FSHR: variants seen among roughly 807,000 people sequenced by gnomAD.
FSHR encodes the protein follicle-stimulating hormone receptor.
Under a neutral mutation model 52.1 loss-of-function variants are expected in FSHR, and 46 were observed. That is an observed-to-expected ratio of 0.88 (90% CI 0.70 to 1.13). The LOEUF (loss-of-function observed/expected upper bound fraction) is 1.13. Among genes scored for constraint, FSHR ranks in the 50% most tolerant of loss-of-function variants. FSHR has a pLI of 0.00. For missense variants in FSHR, 964 were observed against 834.6 expected (o/e 1.16, Z -1.91); for synonymous variants, 399 against 309.6 (o/e 1.29, Z -3.03).
chr2:49,085,900 T>G, intron 1 of FSHR, among the ~76,000 whole-genome samples: 1 of 137,450 alleles, frequency 7.3e-6, no homozygotes, highest in African/African-American at 2.8e-5. Context: ...CGCTCATAGG[T>G]GGGAATTGAA....
In FSHR at chr2:49,019,358, C is replaced by A. The variant is rs551972075; in HGVS notation, c.299+728G>T. On this transcript the variant is annotated intron_variant, in intron 3 of 9. Coordinates refer to ENST00000406846, the MANE Select transcript of FSHR (RefSeq NM_000145.4). ...AGAATATACTTTGAAAAATTGTTGA[C>A]CAGTCTCTAAAGTCTCTTCTGGCTT... Among the ~76,000 whole-genome samples, 12 of 152,206 alleles carry A rather than the reference C, an allele frequency of 7.9e-5. No individual in the cohort carries two copies. In the East Asian group the frequency reaches 1.9e-3, roughly 24 times the overall value.
At chr2:49,095,933 C>T (rs895066242) in intron 1 of FSHR, among the ~76,000 whole-genome samples, 2 of 152,094 alleles carry the variant, frequency 1.3e-5, no homozygotes, top group African/African-American at 4.8e-5. Flanking sequence ...TTTACATTCA[C>T]TAGGATGACT....
chr2:48,973,526 A>T (rs1674839768), intron 8 of FSHR, among the ~76,000 whole-genome samples: 2 of 152,362 alleles, frequency 1.3e-5, no homozygotes, highest in South Asian at 4.1e-4. Context: ...AGGTCTCCAT[A>T]ATGTTTAACA....
chr2:49,136,371 C>CA (rs1672489885), intron 1 of FSHR, among the ~76,000 whole-genome samples: 9 of 151,836 alleles, frequency 5.9e-5, no homozygotes. Flanking sequence ...GAATTAGAAG[C>CA]CAAAAAACTA....
chr2:49,011,651 G>A (rs1667278245), intron 4 of FSHR, among the ~76,000 whole-genome samples: 1 of 152,084 alleles, frequency 6.6e-6, no homozygotes, highest in Non-Finnish European at 1.5e-5. Flanking sequence ...ACTCGGTGAT[G>A]CAGGCAATGT....
intron 2 of FSHR, among the ~76,000 whole-genome samples, chr2:49,066,630 C>CTGAACAAGT (rs1669511676): frequency 1.3e-5 from 2 of 152,066 alleles, no homozygotes; most frequent in Non-Finnish European, 2.9e-5. Context: ...CAAGCTGTGT[C>CTGAACAAGT]TGAACAAGTT....
intron 2 of FSHR, among the ~76,000 whole-genome samples, chr2:49,057,790 A>G (rs1669120563): frequency 6.6e-6 from 1 of 152,192 alleles, no homozygotes; most frequent in South Asian, 2.1e-4. Context: ...CTAGCAATCC[A>G]AAACCAATAA....
chr2:49,123,237 A>T (rs1208132846), intron 1 of FSHR, among the ~76,000 whole-genome samples: 1 of 152,204 alleles, frequency 6.6e-6, no homozygotes, highest in African/African-American at 2.4e-5. Context: ...GCGGTGGTTC[A>T]CATCTATAAT....
intron 2 of FSHR, among the ~76,000 whole-genome samples, chr2:49,031,432 G>C (rs758564602): frequency 1.5e-4 from 23 of 152,140 alleles, no homozygotes; most frequent in Admixed American, 2.0e-4. Context: ...GATTTTATCA[G>C]CTATCTCCTA....
chr2:49,025,268 G>C (rs569172382), intron 2 of FSHR, among the ~76,000 whole-genome samples: 66 of 152,156 alleles, frequency 4.3e-4, no homozygotes, highest in Non-Finnish European at 7.2e-4. Context: ...TTCAGGCACT[G>C]GGATCAGTGC....
chr2:49,142,637 A>G (rs968502821), intron 1 of FSHR, among the ~76,000 whole-genome samples: 3 of 152,198 alleles, frequency 2.0e-5, no homozygotes, highest in Non-Finnish European at 2.9e-5. Context: ...ATTGGATGTC[A>G]TATGCTTTTG....
chr2:49,000,683 C>A (rs1178723222), intron 4 of FSHR, among the ~76,000 whole-genome samples: 1 of 152,130 alleles, frequency 6.6e-6, no homozygotes, highest in Non-Finnish European at 1.5e-5. Flanking sequence ...GTAGATTTTT[C>A]CCTTCCTATT....
chr2:49,089,756 T>C (rs1036525215), intron 1 of FSHR, among the ~76,000 whole-genome samples: 6 of 152,186 alleles, frequency 3.9e-5, no homozygotes, highest in Non-Finnish European at 7.3e-5. Context: ...ACAGTAGCTA[T>C]TGATCTAAAA....
At chr2:49,145,236 C>G (rs985315583) in intron 1 of FSHR, among the ~76,000 whole-genome samples, 7 of 152,134 alleles carry the variant, frequency 4.6e-5, no homozygotes, top group Non-Finnish European at 8.8e-5. Context: ...TTTATCCAAA[C>G]TGAAAAGATT....
chr2:49,129,253 A>G (rs1024751442), intron 1 of FSHR, among the ~76,000 whole-genome samples: 3 of 151,956 alleles, frequency 2.0e-5, no homozygotes, highest in African/African-American at 7.3e-5. Flanking sequence ...TCACCCATCA[A>G]CACCTATTGA....
intron 1 of FSHR, among the ~76,000 whole-genome samples, chr2:49,147,772 C>T (rs564061377): frequency 1.2e-4 from 18 of 151,930 alleles, no homozygotes; most frequent in Non-Finnish European, 1.8e-4. Context: ...CCTCCCTTCC[C>T]CCAGCCCAAT....
intron 1 of FSHR, among the ~76,000 whole-genome samples, chr2:49,139,918 A>C (rs930908518): frequency 6.6e-6 from 1 of 152,142 alleles, no homozygotes; most frequent in Non-Finnish European, 1.5e-5. Flanking sequence ...TTATGTTTCA[A>C]ATGCAGAGTA....
At chr2:49,101,866 G>A (rs940523231) in intron 1 of FSHR, among the ~76,000 whole-genome samples, 8 of 152,138 alleles carry the variant, frequency 5.3e-5, no homozygotes, top group Admixed American at 2.0e-4. Flanking sequence ...TGTAGAGTCC[G>A]AAGGTGGCAC....
chr2:49,077,402 A>C (rs1263194158), intron 1 of FSHR, among the ~76,000 whole-genome samples: 1 of 152,162 alleles, frequency 6.6e-6, no homozygotes, highest in East Asian at 1.9e-4. Context: ...CCTAGGCTGC[A>C]CACAGTATGG....
Sources: gnomAD v4.1 joint callset for allele counts (sites outside exome capture counted in the v4.1 genomes callset) on GRCh38, gnomAD v4.1.1 for gene constraint, MANE v1.5 for transcripts, NCBI Gene and HGNC (gene_info 2026-07-23, HGNC 2026-07-21) for gene names.